The following CDH22 variants were observed in gnomAD, a reference collection of about 807,000 sequenced individuals.
CDH22 encodes the protein cadherin 22.
CDH22 carries 30 observed loss-of-function variants against 58.4 expected under a neutral mutation model. The observed-to-expected ratio is 0.51, with a 90% CI of 0.38 to 0.70. The LOEUF (loss-of-function observed/expected upper bound fraction) is 0.70. Among genes scored for constraint, CDH22 ranks in the 30% least tolerant of loss-of-function variants. The pLI, the probability that CDH22 is intolerant of heterozygous loss-of-function variation, is 0.00. For missense variants in CDH22, 1,014 were observed against 1,233.9 expected (o/e 0.82, Z 2.67); for synonymous variants, 513 against 558.2 (o/e 0.92, Z 1.14).
intron 1 of CDH22, among the ~76,000 whole-genome samples, chr20:46,279,253 C>T (rs201764474): frequency 1.4e-4 from 22 of 152,290 alleles, no homozygotes; most frequent in East Asian, 7.7e-4. Flanking sequence ...GGTCCATTAA[C>T]GCTGAAAACG....
intron 8 of CDH22, among the ~76,000 whole-genome samples, chr20:46,197,503 G>C (rs772782822): frequency 1.3e-5 from 2 of 152,164 alleles, no homozygotes; most frequent in East Asian, 3.9e-4. Context: ...ACACTGGGCC[G>C]GTGATAGGCT....
chr20:46,226,691 A>G (rs1374748867), intron 4 of CDH22, among the ~76,000 whole-genome samples: 1 of 151,996 alleles, frequency 6.6e-6, no homozygotes, highest in African/African-American at 2.4e-5. Context: ...GAGCCTCACA[A>G]TGGCATTTGA....
chr20:46,237,735 C>A (rs1418745577), intron 3 of CDH22, among the ~76,000 whole-genome samples: 2 of 152,100 alleles, frequency 1.3e-5, no homozygotes, highest in Non-Finnish European at 2.9e-5. Context: ...GGCCAGTGGT[C>A]ATAAACTGGG....
At chr20:46,226,279 TC>T (rs2086173376) in intron 4 of CDH22, among the ~76,000 whole-genome samples, 10 of 2,600 alleles carry the variant, frequency 3.8e-3, no homozygotes, top group African/African-American at 0.014. Context: ...TTCTTCTTCT[TC>T]TTCTTCTTCT....
intron 4 of CDH22, 106 bp downstream of exon 4, chr20:46,227,402 G>T: frequency 8.8e-7 from 1 of 1,142,244 alleles, no homozygotes; most frequent in Non-Finnish European, 1.2e-6. Context: ...TGTCCTCAGA[G>T]CTTCTGGGAC....
chr20:46,305,800 G>A (rs2086673154), intron 1 of CDH22, among the ~76,000 whole-genome samples: 1 of 152,278 alleles, frequency 6.6e-6, no homozygotes, highest in Admixed American at 6.5e-5. Flanking sequence ...AACTCGGGAG[G>A]AGACGGGCCC....
chr20:46,221,755 A>G (rs1407014660), intron 4 of CDH22, among the ~76,000 whole-genome samples: 1 of 152,166 alleles, frequency 6.6e-6, no homozygotes, highest in Non-Finnish European at 1.5e-5. Context: ...CCTATCTACT[A>G]TGTTCCACTC....
intron 11 of CDH22, 50 bp downstream of exon 11, chr20:46,177,896 G>A (rs377315839): frequency 3.1e-6 from 5 of 1,595,726 alleles, no homozygotes; most frequent in East Asian, 2.2e-5. Flanking sequence ...AACCCAGGAC[G>A]CCAGGATGGG....
At chr20:46,237,863 C>T (rs1293114491) in intron 3 of CDH22, among the ~76,000 whole-genome samples, 1 of 152,202 alleles carries the variant, frequency 6.6e-6, no homozygotes, top group Non-Finnish European at 1.5e-5. Flanking sequence ...CTGGGAGCCA[C>T]GCCCAGCAAC....
At chr20:46,231,821 C>A (rs2086222217) in intron 3 of CDH22, among the ~76,000 whole-genome samples, 1 of 152,218 alleles carries the variant, frequency 6.6e-6, no homozygotes, top group Admixed American at 6.5e-5. Flanking sequence ...CTACCACTTC[C>A]TCACTCTGCA....
chr20:46,218,459 C>T (rs1486034339), intron 4 of CDH22, among the ~76,000 whole-genome samples: 1 of 152,246 alleles, frequency 6.6e-6, no homozygotes, highest in Non-Finnish European at 1.5e-5. Context: ...CTCACGTCCA[C>T]ACTCATGTAC....
intron 8 of CDH22, among the ~76,000 whole-genome samples, chr20:46,198,604 A>G (rs1239112649): frequency 6.6e-6 from 1 of 152,158 alleles, no homozygotes; most frequent in Non-Finnish European, 1.5e-5. Context: ...CAGCTGCCAG[A>G]GGTACCCTGA....
intron 6 of CDH22, among the ~76,000 whole-genome samples, chr20:46,212,736 G>GACCA (rs952928482): frequency 2.0e-5 from 3 of 152,212 alleles, no homozygotes; most frequent in Admixed American, 6.5e-5. Flanking sequence ...CAGAGTGTTT[G>GACCA]AGGGTGTGGA....
intron 11 of CDH22, among the ~76,000 whole-genome samples, chr20:46,177,116 C>T (rs1423282624): frequency 6.6e-6 from 1 of 152,088 alleles, no homozygotes; most frequent in Non-Finnish European, 1.5e-5. Flanking sequence ...ATAGGCAGGT[C>T]CTCAGAGGGT....
At chr20:46,247,613 T>C (rs557663989) in intron 2 of CDH22, among the ~76,000 whole-genome samples, 1 of 152,298 alleles carries the variant, frequency 6.6e-6, no homozygotes, top group African/African-American at 2.4e-5. Flanking sequence ...ATATTGGGTT[T>C]TGGTATCCAT....
chr20:46,244,338 C>T (rs969882533), intron 2 of CDH22, among the ~76,000 whole-genome samples: 3 of 152,180 alleles, frequency 2.0e-5, no homozygotes, highest in South Asian at 2.1e-4. Flanking sequence ...TCTGCCTGGG[C>T]GGGAGCTAAG....
At chr20:46,206,144 C>T (rs1362670248) in intron 7 of CDH22, among the ~76,000 whole-genome samples, 1 of 152,166 alleles carries the variant, frequency 6.6e-6, no homozygotes, top group Non-Finnish European at 1.5e-5. Flanking sequence ...GTGGCCAGTG[C>T]ACAGGGGAGG....
chr20:46,215,528 G>A (rs1024991624), intron 5 of CDH22, among the ~76,000 whole-genome samples: 3 of 152,212 alleles, frequency 2.0e-5, no homozygotes, highest in Non-Finnish European at 4.4e-5. Context: ...ACTGGAGGGA[G>A]GAGTTGGGGA....
chr20:46,251,329 G>T lies in CDH22; in HGVS notation c.-35C>A, dbSNP rs1314280185. ...GCGCGGGGCTGGGGCCCAGGAGCAT[G>T]GACGAGAGGCACCAGGGCGCCGCTG... is the stretch of plus-strand genomic sequence containing the variant. On this transcript the variant is annotated 5_prime_UTR_variant, in exon 2 of 12. Transcript: ENST00000537909. The surrounding 1 kb of genome is among the most constrained non-coding windows in gnomAD (Gnocchi z 6.7). The T allele has an allele frequency of 1.4e-5, 20 of 1,420,702 alleles. No homozygotes were observed. Among genetic ancestry groups the T allele is most frequent in the Non-Finnish European group, 1.7e-5 (19 of 1,096,168 alleles). The allele number at this position is 1,420,702 out of a possible 1,614,324, so 88.0% of individuals were successfully genotyped here. A position where few individuals can be genotyped will look rare whatever the true frequency, so the allele number is the denominator to read the frequency against.
Sources: gnomAD v4.1 joint callset for allele counts (sites outside exome capture counted in the v4.1 genomes callset) on GRCh38, gnomAD v4.1.1 for gene constraint, Gnocchi (gnomAD v3.1) non-coding constraint, MANE v1.5 for transcripts, NCBI Gene and HGNC (gene_info 2026-07-23, HGNC 2026-07-21) for gene names.